IQCM: variants seen among roughly 807,000 people sequenced by gnomAD.
The protein encoded by IQCM is IQ motif containing M.
A neutral mutation model predicts 57.6 loss-of-function variants in IQCM; 45 were observed. The observed-to-expected ratio is 0.78, with a 90% confidence interval of 0.62 to 1.00. The LOEUF (loss-of-function observed/expected upper bound fraction) is 1.00, where lower values mean the gene tolerates loss of function less well. Ranked by LOEUF, IQCM falls within the 50% of genes least tolerant of loss-of-function variation. The probability of loss-of-function intolerance (pLI) is 0.00; values close to 1 mark genes in which losing one functional copy is unlikely to be tolerated. For synonymous variants in IQCM, 148 were observed against 158.9 expected (o/e 0.93, Z 0.51); for missense variants, 468 against 511.6 (o/e 0.91, Z 0.82).
chr4:149,697,043 A>G lies in IQCM; in HGVS notation c.386-10575T>C, dbSNP rs535835631. Reference sequence around the variant, plus strand: ...CATCCTAGAGAATAGAGGCCTGCATATCTTTTAAAAATAGAAATCTGATCA... The same window carrying G: ...CATCCTAGAGAATAGAGGCCTGCATGTCTTTTAAAAATAGAAATCTGATCA... On this transcript the variant is annotated intron_variant, in intron 5 of 13. Coordinates refer to ENST00000636793, the MANE Select transcript of IQCM (RefSeq NM_001363507.2). Among the ~76,000 whole-genome samples, 4 of 152,248 alleles carry G rather than the reference A, an allele frequency of 2.6e-5. No individual in the cohort carries two copies. In the South Asian group the frequency reaches 8.3e-4, roughly 32 times the overall value.
chr4:149,582,004 T>G (rs1255139091), intron 9 of IQCM, among the ~76,000 whole-genome samples: 1 of 151,512 alleles, frequency 6.6e-6, no homozygotes, highest in Non-Finnish European at 1.5e-5. Context: ...CTTTTGTTTT[T>G]GTTTTTTATT....
intron 12 of IQCM, among the ~76,000 whole-genome samples, chr4:149,543,377 T>G (rs1019506722): frequency 1.1e-4 from 17 of 152,008 alleles, no homozygotes; most frequent in Non-Finnish European, 2.2e-4. Context: ...CTTAGATAAA[T>G]AGTAAATGTT....
intron 12 of IQCM, among the ~76,000 whole-genome samples, chr4:149,440,026 G>A (rs1449443934): frequency 2.7e-5 from 4 of 149,552 alleles, no homozygotes; most frequent in East Asian, 2.0e-4. Flanking sequence ...GCGCAATCTC[G>A]GCTCACTGCA....
chr4:149,651,072 G>T (rs767031375), intron 7 of IQCM, among the ~76,000 whole-genome samples: 3 of 152,098 alleles, frequency 2.0e-5, no homozygotes, highest in Non-Finnish European at 4.4e-5. Flanking sequence ...AAAGCATATT[G>T]CATGAGAACA....
At chr4:149,735,557 C>A in intron 3 of IQCM, 99 bp from the exon 4 acceptor site, 1 of 470,202 alleles carries the variant, frequency 2.1e-6, no homozygotes, top group Admixed American at 4.4e-5. Context: ...ACAATGATCT[C>A]TTAACATAAT....
intron 10 of IQCM, among the ~76,000 whole-genome samples, chr4:149,559,614 T>C (rs1749925202): frequency 6.6e-6 from 1 of 152,212 alleles, no homozygotes; most frequent in Non-Finnish European, 1.5e-5. Flanking sequence ...TCTGCATTGC[T>C]CACTAGACTA....
At chr4:149,458,802 C>A (rs986712538) in intron 12 of IQCM, among the ~76,000 whole-genome samples, 1 of 152,096 alleles carries the variant, frequency 6.6e-6, no homozygotes, top group African/African-American at 2.4e-5. Context: ...TAATAGGTTG[C>A]AAGCAGATAT....
intron 9 of IQCM, among the ~76,000 whole-genome samples, chr4:149,564,986 T>C (rs1205885662): frequency 6.6e-6 from 1 of 152,162 alleles, no homozygotes; most frequent in African/African-American, 2.4e-5. Context: ...CCTGTTATGT[T>C]TTACATATGA....
rs186525837 is a variant in IQCM at position 149,523,087 on chromosome 4, C to T, written c.1228+25368G>A. On this transcript the variant is annotated intron_variant, in intron 12 of 13. Coordinates refer to ENST00000636793, the MANE Select transcript of IQCM (RefSeq NM_001363507.2). ...TAAGTATCTAGTGAGGGAGCAATTG[C>T]TTCCTGGTTTATAGAAAACTGCCTT... is the stretch of plus-strand genomic sequence containing the variant. 2.5e-3 allele frequency among the ~76,000 whole-genome samples: 378 copies of T among 152,208 alleles called. 4 individuals are homozygous for T. Among genetic ancestry groups the T allele is most frequent in the Non-Finnish European group, 1.0e-3 (69 of 68,014 alleles).
At chr4:149,529,691 A>C (rs2149848058) in intron 12 of IQCM, among the ~76,000 whole-genome samples, 1 of 152,202 alleles carries the variant, frequency 6.6e-6, no homozygotes, top group Non-Finnish European at 1.5e-5. Flanking sequence ...AGGTTCCTGA[A>C]TCCATCATTC....
intron 5 of IQCM, among the ~76,000 whole-genome samples, chr4:149,704,370 C>T (rs192871756): frequency 7.9e-5 from 12 of 151,904 alleles, no homozygotes; most frequent in Admixed American, 4.6e-4. Context: ...TCCAGCCCAT[C>T]GCTTATTTTT....
At chr4:149,520,467 C>G (rs1745516869) in intron 12 of IQCM, among the ~76,000 whole-genome samples, 1 of 152,058 alleles carries the variant, frequency 6.6e-6, no homozygotes, top group Non-Finnish European at 1.5e-5. Context: ...ACATCATTAG[C>G]CTACCCAGAA....
intron 7 of IQCM, among the ~76,000 whole-genome samples, chr4:149,653,447 T>C (rs562743597): frequency 6.6e-6 from 1 of 152,288 alleles, no homozygotes; most frequent in African/African-American, 2.4e-5. Context: ...TCTATGTATA[T>C]ATCTATATAA....
intron 2 of IQCM, among the ~76,000 whole-genome samples, chr4:149,786,135 G>T (rs1772060218): frequency 6.6e-6 from 1 of 152,100 alleles, no homozygotes; most frequent in Non-Finnish European, 1.5e-5. Context: ...AACATTTCTG[G>T]ACTTTGGAAA....
chr4:149,657,653 A>T (rs566767665), intron 7 of IQCM, among the ~76,000 whole-genome samples: 29 of 152,122 alleles, frequency 1.9e-4, no homozygotes, highest in African/African-American at 7.0e-4. Flanking sequence ...TTTTCTCTAT[A>T]TCTTCGTTAA....
chr4:149,358,867 T>C (rs1262928607), intron 13 of IQCM, among the ~76,000 whole-genome samples: 1 of 151,758 alleles, frequency 6.6e-6, no homozygotes, highest in Admixed American at 6.6e-5. Context: ...TATACTCTCA[T>C]GAGTATATCA....
At chr4:149,606,815 G>A (rs1429613643) in intron 8 of IQCM, among the ~76,000 whole-genome samples, 2 of 151,894 alleles carry the variant, frequency 1.3e-5, no homozygotes, top group African/African-American at 4.8e-5. Context: ...TGCTCAAGCA[G>A]GACAAATAAT....
At chr4:149,785,647 CA>C (rs74916381) in intron 2 of IQCM, among the ~76,000 whole-genome samples, 21,498 of 151,694 alleles carry the variant, frequency 0.14, 1,695 homozygotes, top group East Asian at 0.33. Flanking sequence ...AAAAATGACC[CA>C]AAAAACTTAA....
chr4:149,674,774 C>A (rs1477825685), intron 7 of IQCM, among the ~76,000 whole-genome samples: 1 of 152,052 alleles, frequency 6.6e-6, no homozygotes, highest in Admixed American at 6.6e-5. Flanking sequence ...TGGAGAATAA[C>A]CAGTCTGGAG....
Sources: allele counts gnomAD v4.1 joint callset (sites outside exome capture counted in the v4.1 genomes callset), GRCh38; gene constraint gnomAD v4.1.1; transcripts MANE v1.5; gene names NCBI Gene and HGNC (gene_info 2026-07-23, HGNC 2026-07-21).